The following PYHIN1 variants were observed in gnomAD, a reference collection of about 807,000 sequenced individuals.
The protein encoded by PYHIN1 is pyrin and HIN domain family member 1, also known as pyrin and HIN domain-containing protein 1.
PYHIN1 carries 32 observed loss-of-function variants against 43.7 expected under a neutral mutation model. The observed-to-expected ratio is 0.73, with a 90% CI of 0.55 to 0.98. The LOEUF (loss-of-function observed/expected upper bound fraction) is 0.98, where lower values mean the gene tolerates loss of function less well. Among genes scored for constraint, PYHIN1 ranks in the 50% least tolerant of loss-of-function variants. The pLI is 0.00. For synonymous variants in PYHIN1, 205 were observed against 203.1 expected, an observed-to-expected ratio of 1.01 and a Z score of -0.08; for missense variants, 588 against 589.5, an observed-to-expected ratio of 1.00 and a Z score of 0.03.
intron 7 of PYHIN1, among the ~76,000 whole-genome samples, chr1:158,954,854 C>A (rs1475729831): frequency 6.7e-6 from 1 of 150,206 alleles, no homozygotes; most frequent in African/African-American, 2.5e-5. Flanking sequence ...ATTCAGGAAA[C>A]CCATCTCACA....
At position 158,938,501 on chromosome 1, in the gene PYHIN1, C is replaced by T. The variant is rs563757453; in HGVS notation, c.370C>T (p.Arg124Cys). ...PATPACTPSN[R>C]LTAKGAEETL... The stretch of plus-strand genomic sequence containing the variant: ...TACACCTGCATGCACCCCAAGCAAC[C>T]GTCTCACAGCTAAAGGAGCAGAGGA... The change falls in exon 3 of 9, where the codon CGT becomes TGT. Residue 124 changes from arginine (R) to cysteine (C), a missense_variant. Physicochemically the swap from Arg to Cys is radical, Grantham distance 180 (BLOSUM62 -3). Transcript: ENST00000368140. 6.2e-7 allele frequency: 1 copy of T among 1,614,198 alleles called. No individual in the cohort carries two copies. The highest frequency in any genetic ancestry group is 1.1e-5 in the South Asian group (1 of 91,086).
At position 158,938,504 on chromosome 1, in the gene PYHIN1, C is replaced by T; in HGVS notation, c.373C>T (p.Leu125Phe). The T allele has an allele frequency of 6.2e-7, 1 of 1,614,236 alleles. No individual in the cohort carries two copies. Among genetic ancestry groups the T allele is most frequent in the Non-Finnish European group, 8.5e-7 (1 of 1,180,036 alleles). Residue 125 changes from leucine (L) to phenylalanine (F), a missense_variant, in exon 3 of 9, where the codon CTC (leucine) becomes TTC (phenylalanine). Transcript: ENST00000368140. ...ATPACTPSNR[L>F]TAKGAEETLG... Reference sequence around the variant, plus strand: ...ACCTGCATGCACCCCAAGCAACCGTCTCACAGCTAAAGGAGCAGAGGAGAC... The same window carrying T: ...ACCTGCATGCACCCCAAGCAACCGTTTCACAGCTAAAGGAGCAGAGGAGAC...
In PYHIN1 at chr1:158,955,360, C is replaced by G. The variant is rs561384133; in HGVS notation, c.1359+10318C>G. ...TGACCACATACTTGGAAGTAAAGCT[C>G]TCCTCAGCAAATGTAAAAGAACAGA... On this transcript the variant is annotated intron_variant, in intron 7 of 8. Coordinates refer to ENST00000368140, the MANE Select transcript of PYHIN1 (RefSeq NM_152501.5). 4.2e-3 allele frequency among the ~76,000 whole-genome samples: 623 copies of G among 149,884 alleles called. 9 individuals carry two copies. Among genetic ancestry groups the G allele is most frequent in the Middle Eastern group, 6.9e-3 (2 of 290 alleles).
intron 7 of PYHIN1, among the ~76,000 whole-genome samples, chr1:158,951,978 G>A (rs1649557643): frequency 1.3e-5 from 2 of 152,142 alleles, no homozygotes. Context: ...TATAATCTGG[G>A]ATGTCGCTTG....
At chr1:158,982,540 T>TA in the PYHIN1 span, among the ~76,000 whole-genome samples, 408 of 152,312 alleles carry the variant, frequency 2.7e-3, 1 homozygote, top group African/African-American at 9.1e-3. Context: ...TTGGTGACTG[T>TA]AACTTTGTAG....
At chr1:158,971,406 A>G (rs1225444185) in intron 7 of PYHIN1, among the ~76,000 whole-genome samples, 4 of 151,680 alleles carry the variant, frequency 2.6e-5, no homozygotes, top group African/African-American at 9.7e-5. Flanking sequence ...CCAGACACCC[A>G]TTATCCTTAC....
At chr1:158,952,507 C>T (rs368383987) in intron 7 of PYHIN1, among the ~76,000 whole-genome samples, 1 of 152,072 alleles carries the variant, frequency 6.6e-6, no homozygotes, top group Non-Finnish European at 1.5e-5. Context: ...TTTTTCCCAT[C>T]TATTGGAGGA....
the PYHIN1 span, among the ~76,000 whole-genome samples, chr1:158,984,724 A>T: frequency 6.6e-6 from 1 of 152,102 alleles, no homozygotes; most frequent in South Asian, 2.1e-4. Flanking sequence ...TCCCTCAATG[A>T]TTTATCTAAC....
chr1:158,986,742 T>G, the PYHIN1 span, among the ~76,000 whole-genome samples: 1 of 152,178 alleles, frequency 6.6e-6, no homozygotes, highest in Non-Finnish European at 1.5e-5. Context: ...ATGGCAAGAC[T>G]TAAGGGATGG....
rs765318978 is a variant in PYHIN1, at chr1:158,938,543, G to A, written c.411+1G>A. Reference sequence around the variant, plus strand: ...AGCAGAGGAGACTCTTGGACCTCAGGTAAGCTTCAGGAAGAGGAGCAGGCT... The same window carrying A: ...AGCAGAGGAGACTCTTGGACCTCAGATAAGCTTCAGGAAGAGGAGCAGGCT... On this transcript the variant is annotated splice_donor_variant, in intron 3 of 8. Transcript: ENST00000368140. LOFTEE classifies it high-confidence loss of function. 1 of 1,613,874 alleles carries A rather than the reference G, an allele frequency of 6.2e-7. No individual in the cohort carries two copies. The highest frequency in any genetic ancestry group is 8.5e-7 in the Non-Finnish European group (1 of 1,179,902).
At chr1:158,985,899 G>A in the PYHIN1 span, among the ~76,000 whole-genome samples, 1 of 152,022 alleles carries the variant, frequency 6.6e-6, no homozygotes, top group African/African-American at 2.4e-5. Context: ...TTGAAGAACT[G>A]ATCTTCAAGC....
Position 158,933,652 on chromosome 1 carries a change from A to C in PYHIN1, c.-21+1876A>C, listed in dbSNP as rs190135728. Among the ~76,000 whole-genome samples, 1 of 151,896 alleles carries C rather than the reference A, an allele frequency of 6.6e-6. No individual in the cohort carries two copies. Among genetic ancestry groups the C allele is most frequent in the Non-Finnish European group, 1.5e-5 (1 of 67,912 alleles). ...TAACATATTTTGGCCTGCTTCTGCT[A>C]TCTTCACTTCAATTTATAACACTTC... On this transcript the variant is annotated intron_variant, in intron 1 of 8. Coordinates refer to ENST00000368140, the MANE Select transcript of PYHIN1 (RefSeq NM_152501.5). This position sits in a 1 kb window ranked among gnomAD's most constrained non-coding sequence, Gnocchi z 6.3.
chr1:158,973,529 A>ACG (rs1651061228), intron 7 of PYHIN1, 118 bp from the exon 8 acceptor site: 2 of 978,012 alleles, frequency 2.0e-6, no homozygotes, highest in South Asian at 3.0e-5. Flanking sequence ...ACACACACAC[A>ACG]CACACACATA....
At chr1:158,938,609 C>T (rs1183676662) in intron 3 of PYHIN1, 67 bp downstream of exon 3, 1 of 1,524,032 alleles carries the variant, frequency 6.6e-7, no homozygotes, top group African/African-American at 1.4e-5. Context: ...CTGTTCCACT[C>T]AATCTGTCCA....
chr1:158,955,155 A>T (rs1191923245), intron 7 of PYHIN1, among the ~76,000 whole-genome samples: 1 of 152,094 alleles, frequency 6.6e-6, no homozygotes, highest in African/African-American at 2.4e-5. Context: ...TAAAAATGGG[A>T]GACTTTAACA....
At chr1:158,940,400 G>C (rs1186701562) in intron 4 of PYHIN1, 1 of 152,030 alleles carries the variant, frequency 6.6e-6, no homozygotes, top group Non-Finnish European at 1.5e-5. Context: ...GAGCTCAGGA[G>C]TTTGGGAAAA....
chr1:158,981,078 C>T (rs12066687), downstream of PYHIN1, among the ~76,000 whole-genome samples: 277 of 152,208 alleles, frequency 1.8e-3, no homozygotes, highest in Middle Eastern at 6.8e-3. Context: ...CAGGTTCCCC[C>T]AGTAATGATT....
chr1:158,961,850 T>C (rs1650338286), intron 7 of PYHIN1, among the ~76,000 whole-genome samples: 1 of 152,160 alleles, frequency 6.6e-6, no homozygotes, highest in Admixed American at 6.5e-5. Flanking sequence ...GCTCTGGCAA[T>C]AGGGGAGGTC....
At chr1:158,950,642 G>C (rs116335631) in intron 7 of PYHIN1, among the ~76,000 whole-genome samples, 1,582 of 152,302 alleles carry the variant, frequency 0.01, 36 homozygotes, top group African/African-American at 0.036. Flanking sequence ...CTTTTCTACA[G>C]CTGATTGAAA....
Sources: allele counts gnomAD v4.1 joint callset (sites outside exome capture counted in the v4.1 genomes callset), GRCh38; gene constraint gnomAD v4.1.1; non-coding constraint Gnocchi (gnomAD v3.1); transcripts MANE v1.5; gene names NCBI Gene and HGNC (gene_info 2026-07-23, HGNC 2026-07-21).